The following PTPRN2 variants were observed in gnomAD, a reference collection of about 807,000 sequenced individuals.
PTPRN2 encodes receptor-type tyrosine-protein phosphatase N2.
A neutral mutation model predicts 118.8 loss-of-function variants in PTPRN2; 74 were observed. That is an observed-to-expected ratio of 0.62 (90% confidence interval 0.52 to 0.76). The LOEUF (loss-of-function observed/expected upper bound fraction) is 0.76. PTPRN2 is among the 30% of genes least tolerant of loss of function. PTPRN2 has a pLI of 0.00. For synonymous variants in PTPRN2, 641 were observed against 608.0 expected (o/e 1.05, Z -0.80); for missense variants, 1,481 against 1,394.4 (o/e 1.06, Z -0.99).
intron 11 of PTPRN2, among the ~76,000 whole-genome samples, chr7:157,911,108 A>C (rs1798080009): frequency 6.6e-6 from 1 of 152,146 alleles, no homozygotes; most frequent in African/African-American, 2.4e-5. Flanking sequence ...GTGGCACAGC[A>C]AGCCAAGAAG....
chr7:157,775,264 G>T (rs761916880), intron 12 of PTPRN2, among the ~76,000 whole-genome samples: 2 of 152,192 alleles, frequency 1.3e-5, no homozygotes, highest in Non-Finnish European at 2.9e-5. Context: ...TGTCATATGA[G>T]CTGCTCTTTA....
chr7:158,583,317 T>C (rs1331022062), intron 1 of PTPRN2, among the ~76,000 whole-genome samples: 1 of 152,192 alleles, frequency 6.6e-6, no homozygotes, highest in Non-Finnish European at 1.5e-5. Context: ...CCGTGTACCC[T>C]GTGTCGATAG....
intron 2 of PTPRN2, among the ~76,000 whole-genome samples, chr7:158,426,359 G>C (rs1218284899): frequency 5.0e-4 from 2 of 4,036 alleles, no homozygotes; most frequent in Non-Finnish European, 4.0e-4. Flanking sequence ...CGGGAAAGAC[G>C]CAGAGTCCGA....
intron 11 of PTPRN2, among the ~76,000 whole-genome samples, chr7:157,938,991 G>GT (rs2128788528): frequency 1.3e-5 from 2 of 152,356 alleles, no homozygotes; most frequent in South Asian, 4.1e-4. Flanking sequence ...GCAGTGCCTT[G>GT]TGCATGGTGG....
Position 158,541,533 on chromosome 7 carries a change from C to T in PTPRN2, c.112+46025G>A, listed in dbSNP as rs763384943. ...CACTTCCACCCTGGGCAAGGTGTGG[C>T]TCACACAGAACATCTTCATAGTAGG... is the stretch of plus-strand genomic sequence containing the variant. On this transcript the variant is annotated intron_variant, in intron 1 of 22. Transcript: ENST00000389418. The T allele has an allele frequency of 2.7e-5, 37 of 1,352,026 alleles. 2 individuals carry two copies. The Middle Eastern group carries it at 1.3e-3, about 46-fold the overall frequency. The allele number at this position is 1,352,026 out of a possible 1,614,324, so 83.8% of individuals were successfully genotyped here.
At chr7:157,901,918 G>A (rs958414215) in intron 11 of PTPRN2, among the ~76,000 whole-genome samples, 1 of 137,600 alleles carries the variant, frequency 7.3e-6, no homozygotes, top group Non-Finnish European at 1.5e-5. Flanking sequence ...GTCCTGAGGC[G>A]GGGCCTTCCC....
Position 158,192,615 on chromosome 7 carries a change from C to G in PTPRN2, c.381-120G>C. 3 of 1,135,268 alleles carry G rather than the reference C, an allele frequency of 2.6e-6. No homozygotes were observed. In the South Asian group the frequency reaches 4.7e-5, roughly 18 times the overall value. The allele number at this position is 1,135,268 out of a possible 1,614,324, so 70.3% of individuals were successfully genotyped here. The stretch of plus-strand genomic sequence containing the variant: ...GGGAGCCGGGCTCTCGGTGGCCGGC[C>G]TGGCCTTGCTGCTCCATGACCATGG... On this transcript the variant is annotated intron_variant, in intron 4 of 22. Coordinates refer to ENST00000389418, the MANE Select transcript of PTPRN2 (RefSeq NM_002847.5).
rs1198087169 is a variant in PTPRN2, at chr7:157,669,528, C to T, written c.2002-12977G>A. 4 of 490,156 alleles carry T rather than the reference C, an allele frequency of 8.2e-6. No homozygotes were observed. In the East Asian group the frequency reaches 2.4e-4, roughly 30 times the overall value. The allele number at this position is 490,156 out of a possible 1,614,324, so 30.4% of individuals were successfully genotyped here. ...CCCCGCTCCTGACACACGACGACAC[C>T]CAGTCAGGGGCTGTAAGCACAGCTC... is the stretch of plus-strand genomic sequence containing the variant. On this transcript the variant is annotated intron_variant, in intron 13 of 22. Coordinates refer to ENST00000389418, the MANE Select transcript of PTPRN2 (RefSeq NM_002847.5).
chr7:157,556,541 C>T (rs1306763245), intron 21 of PTPRN2, among the ~76,000 whole-genome samples: 2 of 151,076 alleles, frequency 1.3e-5, no homozygotes, highest in African/African-American at 2.4e-5. Context: ...CACTCGCATC[C>T]ACCCTCACGT....
At chr7:158,311,180 C>T (rs966560750) in intron 3 of PTPRN2, among the ~76,000 whole-genome samples, 9 of 152,238 alleles carry the variant, frequency 5.9e-5, no homozygotes, top group Non-Finnish European at 8.8e-5. Flanking sequence ...AGCAGCTCCC[C>T]GGATGCCATC....
chr7:158,502,022 G>A (rs978996233), intron 1 of PTPRN2, among the ~76,000 whole-genome samples: 6 of 152,246 alleles, frequency 3.9e-5, no homozygotes, highest in African/African-American at 1.2e-4. Context: ...AAGCCGTCAC[G>A]GAGTAAAACG....
intron 11 of PTPRN2, among the ~76,000 whole-genome samples, chr7:157,910,894 AT>A (rs1391539787): frequency 6.6e-6 from 1 of 152,232 alleles, no homozygotes; most frequent in African/African-American, 2.4e-5. Context: ...TGGATGTTTA[AT>A]TTTGCTAACT....
At chr7:158,336,766 C>T (rs1586347270) in intron 2 of PTPRN2, among the ~76,000 whole-genome samples, 1 of 103,830 alleles carries the variant, frequency 9.6e-6, no homozygotes, top group African/African-American at 3.3e-5. Context: ...ACAGTCTCAC[C>T]ATAAGAGGTG....
rs150204026 is a variant in PTPRN2, at chr7:158,579,099, T to C, written c.112+8459A>G. Among the ~76,000 whole-genome samples, 422 of 152,252 alleles carry C rather than the reference T, an allele frequency of 2.8e-3. 3 individuals carry two copies. Among genetic ancestry groups the C allele is most frequent in the African/African-American group, 9.6e-3 (399 of 41,536 alleles). ...CTTTTATTCAAGGGCTTTACAGTCA[T>C]CAAAGGGATGATGTGAAATAAACTC... On this transcript the variant is annotated intron_variant, in intron 1 of 22. Transcript: ENST00000389418.
intron 3 of PTPRN2, among the ~76,000 whole-genome samples, chr7:158,304,585 C>G (rs549349492): frequency 1.3e-5 from 2 of 151,612 alleles, no homozygotes; most frequent in Admixed American, 6.6e-5. Context: ...CCATCAATAC[C>G]CTAAGATGTA....
intron 1 of PTPRN2, among the ~76,000 whole-genome samples, chr7:158,505,938 TG>T (rs946663983): frequency 6.6e-6 from 1 of 151,998 alleles, no homozygotes; most frequent in African/African-American, 2.4e-5. Flanking sequence ...GCAGCTACAG[TG>T]GGTCAGACGC....
chr7:157,880,829 T>A (rs1796068989), intron 12 of PTPRN2, among the ~76,000 whole-genome samples: 2 of 152,234 alleles, frequency 1.3e-5, no homozygotes, highest in Admixed American at 1.3e-4. Context: ...CTTTTTAATT[T>A]ATTGTTTGAT....
At chr7:157,804,069 A>C (rs1276408584) in intron 12 of PTPRN2, among the ~76,000 whole-genome samples, 1 of 152,224 alleles carries the variant, frequency 6.6e-6, no homozygotes, top group African/African-American at 2.4e-5. Context: ...TAGAAGTTAA[A>C]ATTAAAGAGG....
intron 15 of PTPRN2, among the ~76,000 whole-genome samples, chr7:157,607,584 G>A (rs146547022): frequency 4.6e-5 from 7 of 152,338 alleles, no homozygotes; most frequent in East Asian, 1.9e-4. Flanking sequence ...TGGTGCCCAC[G>A]GCACCCTGAG....
Sources: gnomAD v4.1 joint callset for allele counts (sites outside exome capture counted in the v4.1 genomes callset) on GRCh38, gnomAD v4.1.1 for gene constraint, MANE v1.5 for transcripts, NCBI Gene and HGNC (gene_info 2026-07-23, HGNC 2026-07-21) for gene names.